PLCB1: variants seen among roughly 807,000 people sequenced by gnomAD.
PLCB1 encodes the protein 1-phosphatidylinositol 4,5-bisphosphate phosphodiesterase beta-1.
In PLCB1, 46 loss-of-function variants were observed where a neutral mutation model predicts 161.8. That is an observed-to-expected ratio of 0.28 (90% CI 0.22 to 0.36). The LOEUF (loss-of-function observed/expected upper bound fraction) is 0.36. Ranked by LOEUF, PLCB1 falls within the 10% of genes least tolerant of loss-of-function variation. PLCB1 has a pLI of 1.00. For synonymous variants in PLCB1, 517 were observed against 503.7 expected, an observed-to-expected ratio of 1.03 and a Z score of -0.35; for missense variants, 1,016 against 1,472.5, an observed-to-expected ratio of 0.69 and a Z score of 5.07.
At chr20:8,408,004 T>G (rs577608002) in intron 3 of PLCB1, among the ~76,000 whole-genome samples, 32 of 152,224 alleles carry the variant, frequency 2.1e-4, no homozygotes, top group Admixed American at 7.9e-4. Context: ...GTAAATGCAA[T>G]GTGGTATCCT....
chr20:8,605,160 C>A (rs980766036), intron 3 of PLCB1, among the ~76,000 whole-genome samples: 2 of 151,942 alleles, frequency 1.3e-5, no homozygotes, highest in South Asian at 2.1e-4. Context: ...ACTCTCAGAA[C>A]TGAGAAGTAA....
intron 31 of PLCB1, among the ~76,000 whole-genome samples, chr20:8,842,166 C>CAGA (rs1361402635): frequency 6.6e-6 from 1 of 152,138 alleles, no homozygotes; most frequent in Admixed American, 6.6e-5. Context: ...ACAGAATGAT[C>CAGA]AGAACCATCT....
intron 4 of PLCB1, among the ~76,000 whole-genome samples, chr20:8,637,226 G>A (rs1988790172): frequency 6.6e-6 from 1 of 152,172 alleles, no homozygotes; most frequent in Admixed American, 6.5e-5. Flanking sequence ...TAGTAGTTAA[G>A]CCAAATGATG....
intron 15 of PLCB1, among the ~76,000 whole-genome samples, chr20:8,722,842 A>C (rs886240064): frequency 3.3e-5 from 5 of 152,156 alleles, no homozygotes; most frequent in African/African-American, 4.8e-5. Flanking sequence ...ACGCCTTTAA[A>C]AAAACAAGTT....
intron 2 of PLCB1, among the ~76,000 whole-genome samples, chr20:8,257,699 A>T (rs1469349924): frequency 6.6e-6 from 1 of 152,166 alleles, no homozygotes; most frequent in East Asian, 1.9e-4. Context: ...TAGGCAATAA[A>T]TGTTAACTCT....
chr20:8,565,584 G>A (rs1432449849), intron 3 of PLCB1, among the ~76,000 whole-genome samples: 1 of 151,846 alleles, frequency 6.6e-6, no homozygotes, highest in Non-Finnish European at 1.5e-5. Flanking sequence ...AAGTGGGTCT[G>A]AATAGGCAAA....
At chr20:8,469,423 A>G (rs1346079872) in intron 3 of PLCB1, among the ~76,000 whole-genome samples, 1 of 152,148 alleles carries the variant, frequency 6.6e-6, no homozygotes, top group Non-Finnish European at 1.5e-5. Context: ...TGTTATTCTC[A>G]CAAATTGTCA....
intron 1 of PLCB1, among the ~76,000 whole-genome samples, chr20:8,137,222 T>C (rs772971069): frequency 1.3e-5 from 2 of 152,254 alleles, no homozygotes; most frequent in Non-Finnish European, 1.5e-5. Context: ...TGGAATCTGC[T>C]GTTCCAGTTT....
intron 3 of PLCB1, among the ~76,000 whole-genome samples, chr20:8,379,515 A>AGG (rs1439635266): frequency 6.6e-6 from 1 of 152,188 alleles, no homozygotes; most frequent in Non-Finnish European, 1.5e-5. Flanking sequence ...TAGATCCATG[A>AGG]GGAATCACCA....
chr20:8,164,782 C>T (rs2051659331), intron 2 of PLCB1, among the ~76,000 whole-genome samples: 1 of 152,198 alleles, frequency 6.6e-6, no homozygotes, highest in East Asian at 1.9e-4. Flanking sequence ...GCTAGCCCTG[C>T]AGAAGACAAG....
chr20:8,335,596 C>T (rs1489016153), intron 2 of PLCB1, among the ~76,000 whole-genome samples: 2 of 152,126 alleles, frequency 1.3e-5, no homozygotes, highest in Non-Finnish European at 2.9e-5. Context: ...GGTCCCCACC[C>T]GTAGTTGCTC....
At chr20:8,585,011 C>T (rs555145731) in intron 3 of PLCB1, among the ~76,000 whole-genome samples, 2 of 152,228 alleles carry the variant, frequency 1.3e-5, no homozygotes, top group South Asian at 2.1e-4. Context: ...TTTAGCCCAA[C>T]ATGATCCCAA....
intron 1 of PLCB1, among the ~76,000 whole-genome samples, chr20:8,133,886 T>G (rs985310155): frequency 4.6e-5 from 7 of 152,202 alleles, no homozygotes; most frequent in African/African-American, 1.7e-4. Context: ...TCCTCTAGGG[T>G]ATTTTTCTTT....
At chr20:8,294,469 C>CAT (rs755690836) in intron 2 of PLCB1, among the ~76,000 whole-genome samples, 2 of 151,726 alleles carry the variant, frequency 1.3e-5, no homozygotes, top group African/African-American at 2.4e-5. Context: ...AATTTATATG[C>CAT]ATATATATAC....
At chr20:8,277,424 CTAATA>C (rs1481817946) in intron 2 of PLCB1, among the ~76,000 whole-genome samples, 2 of 151,936 alleles carry the variant, frequency 1.3e-5, no homozygotes, top group Admixed American at 6.6e-5. Context: ...AAATGCTACT[CTAATA>C]TATTTCTTAG....
intron 2 of PLCB1, among the ~76,000 whole-genome samples, chr20:8,350,616 A>G (rs1025994855): frequency 1.3e-5 from 2 of 152,178 alleles, no homozygotes; most frequent in Non-Finnish European, 2.9e-5. Context: ...CAGTAATGGG[A>G]TTGCTGAGTC....
Position 8,359,098 on chromosome 20 carries a change from AT to A in PLCB1, c.178-12274del, listed in dbSNP as rs201010868. On this transcript the variant is annotated intron_variant, in intron 2 of 31. Coordinates refer to ENST00000338037, the MANE Select transcript of PLCB1 (RefSeq NM_015192.4). ...GGCCTTGTAAAAGAGTTTTTACACA[AT>A]TTTTTTTTTAAATCTGTCCCCATCC... Among the ~76,000 whole-genome samples, 685 of 150,690 alleles carry A rather than the reference AT, an allele frequency of 4.5e-3. 5 individuals carry two copies. Among genetic ancestry groups the A allele is most frequent in the African/African-American group, 0.015 (634 of 41,102 alleles).
At chr20:8,163,306 G>A (rs1247031529) in intron 2 of PLCB1, among the ~76,000 whole-genome samples, 1 of 152,178 alleles carries the variant, frequency 6.6e-6, no homozygotes, top group African/African-American at 2.4e-5. Flanking sequence ...ATCAGTGACT[G>A]GGGGCAGCTC....
chr20:8,618,332 C>G (rs1988087381), intron 3 of PLCB1, among the ~76,000 whole-genome samples: 1 of 151,950 alleles, frequency 6.6e-6, no homozygotes, highest in Admixed American at 6.6e-5. Flanking sequence ...ATTAAGAGAG[C>G]TTTACACTCC....
Sources: gnomAD v4.1 joint callset for allele counts (sites outside exome capture counted in the v4.1 genomes callset) on GRCh38, gnomAD v4.1.1 for gene constraint, MANE v1.5 for transcripts, NCBI Gene and HGNC (gene_info 2026-07-23, HGNC 2026-07-21) for gene names.